The following DNAH12 variants were observed in gnomAD, a reference collection of about 807,000 sequenced individuals.
DNAH12 encodes the protein axonemal beta dynein heavy chain 12.
A neutral mutation model predicts 371.5 loss-of-function variants in DNAH12; 285 were observed. The ratio of observed to expected loss-of-function variants is 0.77; its 90% CI spans 0.70 to 0.85. The LOEUF (loss-of-function observed/expected upper bound fraction) is 0.85. Among genes scored for constraint, DNAH12 ranks in the 40% least tolerant of loss-of-function variants. The probability of loss-of-function intolerance (pLI) is 0.00; values close to 1 mark genes in which losing one functional copy is unlikely to be tolerated. For missense variants in DNAH12, 3,611 were observed against 3,689.4 expected (o/e 0.98, Z 0.55); for synonymous variants, 1,200 against 1,213.0 (o/e 0.99, Z 0.22).
intron 29 of DNAH12, among the ~76,000 whole-genome samples, chr3:57,437,933 G>C (rs1212293620): frequency 6.7e-6 from 1 of 148,912 alleles, no homozygotes; most frequent in Non-Finnish European, 1.5e-5. Flanking sequence ...CTCTGACTTA[G>C]GTCAACACTC....
chr3:57,301,796 G>A lies in DNAH12; in HGVS notation c.11333C>T (p.Pro3778Leu), dbSNP rs2061353662. The A allele has an allele frequency of 6.4e-7, 1 of 1,551,460 alleles. No individual in the cohort carries two copies. Among genetic ancestry groups the A allele is most frequent in the African/African-American group, 1.4e-5 (1 of 72,982 alleles). The change falls in exon 70 of 74, where the codon CCA (proline) becomes CTA (leucine). Residue 3778 changes from proline to leucine, a missense_variant. Around this residue, in one of 3 missense-constraint regions of DNAH12, gnomAD observed 2,266 missense variants for 2,236.9 expected, o/e 1.01. Coordinates refer to ENST00000495027, the MANE Select transcript of DNAH12 (RefSeq NM_001366028.2). ...GTAACTTCCCAGGGGCTTAAGGCTTGGGTATGAACGTTTGGCCCATATTTC... is the reference window on the plus strand; with the variant it reads ...GTAACTTCCCAGGGGCTTAAGGCTTAGGTATGAACGTTTGGCCCATATTTC... ...VPEIWAKRSYPSLKPLGSYIT... is the reference protein window; with the variant it reads ...VPEIWAKRSYLSLKPLGSYIT...
Position 57,446,179 on chromosome 3 carries a change from T to C in DNAH12, c.4031A>G (p.Gln1344Arg). 3 of 1,551,732 alleles carry C rather than the reference T, an allele frequency of 1.9e-6. No individual in the cohort carries two copies. The highest frequency in any genetic ancestry group is 2.6e-6 in the Non-Finnish European group (3 of 1,147,002). The change falls in exon 27 of 74, where the codon CAG becomes CGG. Residue 1344 changes from glutamine (Q) to arginine (R), a missense_variant. Physicochemically the swap from Gln to Arg is conservative, Grantham distance 43. Coordinates refer to ENST00000495027, the MANE Select transcript of DNAH12 (RefSeq NM_001366028.2). Reference sequence around the variant, plus strand: ...AATAGCTCTCTGAATGCAAAGGATCTGTTGAGCTACCACTGACAACACTTC... The same window carrying C: ...AATAGCTCTCTGAATGCAAAGGATCCGTTGAGCTACCACTGACAACACTTC... ...ELEVLSVVAQ[Q>R]ILCIQRAIQQ... is the part of the protein sequence containing the mutation.
intron 45 of DNAH12, among the ~76,000 whole-genome samples, chr3:57,390,420 A>ATATATATATATATAT (rs1294811064): frequency 1.7e-4 from 5 of 30,042 alleles, no homozygotes; most frequent in African/African-American, 3.2e-4. Flanking sequence ...AAAAAAAAAA[A>ATATATATATATATAT]AAAAATATAT....
rs187273473 is a variant in DNAH12 at position 57,331,311 on chromosome 3, T to A, written c.9978+3154A>T. Among the ~76,000 whole-genome samples the A allele has an allele frequency of 1.8e-3, 270 of 152,270 alleles. 1 individual carries two copies. The highest frequency in any genetic ancestry group is 6.4e-3 in the African/African-American group (265 of 41,550). ...ATTCTGTAAAGTGCAAATAGGCAGGTGTTCCCAGATACATAGCTATTAAGT... is the reference window on the plus strand; with the variant it reads ...ATTCTGTAAAGTGCAAATAGGCAGGAGTTCCCAGATACATAGCTATTAAGT... On this transcript the variant is annotated intron_variant, in intron 62 of 73. Coordinates refer to ENST00000495027, the MANE Select transcript of DNAH12 (RefSeq NM_001366028.2).
At chr3:57,304,333 T>C (rs1242610165) in intron 69 of DNAH12, among the ~76,000 whole-genome samples, 1 of 152,148 alleles carries the variant, frequency 6.6e-6, no homozygotes, top group Admixed American at 6.5e-5. Flanking sequence ...TGCTCTTTGC[T>C]CGGTGAGAAA....
At chr3:57,543,487 C>G (rs2069392366) in intron 1 of DNAH12, among the ~76,000 whole-genome samples, 1 of 150,886 alleles carries the variant, frequency 6.6e-6, no homozygotes, top group East Asian at 2.0e-4. Flanking sequence ...CGCCCAGCTA[C>G]TTTTTTGTGT....
At chr3:57,404,634 G>T (rs1200485691) in intron 42 of DNAH12, among the ~76,000 whole-genome samples, 5 of 152,154 alleles carry the variant, frequency 3.3e-5, no homozygotes, top group African/African-American at 1.2e-4. Context: ...GCAGGAGAAT[G>T]GCTTGAACCC....
intron 8 of DNAH12, among the ~76,000 whole-genome samples, chr3:57,504,831 T>TATTC (rs2067690039): frequency 6.6e-6 from 1 of 152,150 alleles, no homozygotes; most frequent in Non-Finnish European, 1.5e-5. Context: ...TACTAGGTCT[T>TATTC]ATTCATTCAT....
At chr3:57,298,347 G>C in intron 70 of DNAH12, among the ~76,000 whole-genome samples, 1 of 152,218 alleles carries the variant, frequency 6.6e-6, no homozygotes, top group East Asian at 1.9e-4. Context: ...CCTCAAAGTT[G>C]GGTGGATGTG....
intron 11 of DNAH12, among the ~76,000 whole-genome samples, chr3:57,495,831 TATATA>T (rs2067295799): frequency 2.1e-5 from 3 of 143,440 alleles, no homozygotes; most frequent in Non-Finnish European, 4.6e-5. Context: ...TATATATTTA[TATATA>T]TTTTAAACAA....
Position 57,311,704 on chromosome 3 carries a change from C to T in DNAH12, c.10663-754G>A, listed in dbSNP as rs75084605. On this transcript the variant is annotated intron_variant, in intron 66 of 73. Transcript: ENST00000495027. ...AGAGCTGCCCACAGCAAAGAACTATCTGGCCCAAAATGCCAATCATGCTAA... is the reference window on the plus strand; with the variant it reads ...AGAGCTGCCCACAGCAAAGAACTATTTGGCCCAAAATGCCAATCATGCTAA... 7.4e-3 allele frequency among the ~76,000 whole-genome samples: 1,121 copies of T among 152,296 alleles called. 12 individuals are homozygous for T. The highest frequency in any genetic ancestry group is 0.025 in the African/African-American group (1,042 of 41,556).
At position 57,483,516 on chromosome 3, in the gene DNAH12, C is replaced by G; in HGVS notation, c.1515-5G>C. On this transcript the variant is annotated splice_polypyrimidine_tract_variant and splice_region_variant and intron_variant, in intron 12 of 73. Coordinates refer to ENST00000495027, the MANE Select transcript of DNAH12 (RefSeq NM_001366028.2). ...GCTTCAAATTCACTGCAAATACTGA[C>G]ATAATACTCTGCTTTAATAGACTTA... 1 of 1,545,268 alleles carries G rather than the reference C, an allele frequency of 6.5e-7. No individual in the cohort carries two copies. The highest frequency in any genetic ancestry group is 8.7e-7 in the Non-Finnish European group (1 of 1,145,458).
chr3:57,327,605 C>T (rs1346946590), intron 62 of DNAH12, among the ~76,000 whole-genome samples: 3 of 151,438 alleles, frequency 2.0e-5, no homozygotes, highest in East Asian at 1.9e-4. Context: ...CAAGAGAAAG[C>T]AGGAAAGATC....
At chr3:57,322,930 A>AAAAC (rs576453898) in intron 64 of DNAH12, 77 bp downstream of exon 64, 1 of 1,493,966 alleles carries the variant, frequency 6.7e-7, no homozygotes, top group South Asian at 1.4e-5. Context: ...ACTCCGTCTC[A>AAAAC]AAACAAACAA....
intron 11 of DNAH12, among the ~76,000 whole-genome samples, chr3:57,496,094 G>T (rs113937569): frequency 0.011 from 1,592 of 151,520 alleles, 17 homozygotes; most frequent in African/African-American, 0.036. Context: ...TCCAAAACCA[G>T]AAATTCAATA....
intron 26 of DNAH12, 113 bp from the exon 27 acceptor site, chr3:57,446,383 C>T (rs2065496877): frequency 1.4e-6 from 2 of 1,431,818 alleles, no homozygotes; most frequent in African/African-American, 1.4e-5. Flanking sequence ...GTAAAAGTTC[C>T]AAGGATAAAA....
chr3:57,350,392 T>C (rs6771841), intron 60 of DNAH12, among the ~76,000 whole-genome samples: 6 of 152,012 alleles, frequency 3.9e-5, no homozygotes, highest in African/African-American at 1.2e-4. Context: ...CAGATCTAGA[T>C]ATATGAATGT....
At chr3:57,527,966 G>A (rs1373929928) in intron 2 of DNAH12, among the ~76,000 whole-genome samples, 1 of 152,060 alleles carries the variant, frequency 6.6e-6, no homozygotes, top group Non-Finnish European at 1.5e-5. Context: ...CCAATATTCT[G>A]GAGAGTTTCA....
the DNAH12 span, among the ~76,000 whole-genome samples, chr3:57,554,271 A>G: frequency 1.5e-5 from 2 of 135,654 alleles, 1 homozygote; most frequent in Non-Finnish European, 3.1e-5. Context: ...TGGGTGACAG[A>G]GTGAGGCTCC....
Sources: gnomAD v4.1 joint callset for allele counts (sites outside exome capture counted in the v4.1 genomes callset) on GRCh38, gnomAD v4.1.1 for gene constraint, gnomAD v4.1.1 regional missense constraint, MANE v1.5 for transcripts, NCBI Gene and HGNC (gene_info 2026-07-23, HGNC 2026-07-21) for gene names.